SLC35F4: variants seen among roughly 807,000 people sequenced by gnomAD.
SLC35F4 encodes solute carrier family 35 member F4, also known as chromosome 14 open reading frame 36.
Under a neutral mutation model 44.2 loss-of-function variants are expected in SLC35F4, and 24 were observed. The observed-to-expected ratio is 0.54, with a 90% CI of 0.39 to 0.76. The LOEUF (loss-of-function observed/expected upper bound fraction) is 0.76, where lower values mean the gene tolerates loss of function less well. Ranked by LOEUF, SLC35F4 falls within the 30% of genes least tolerant of loss-of-function variation. The probability of loss-of-function intolerance (pLI) is 0.00; values close to 1 mark genes in which losing one functional copy is unlikely to be tolerated. For missense variants in SLC35F4, 562 were observed against 586.1 expected, an observed-to-expected ratio of 0.96 and a Z score of 0.42; for synonymous variants, 238 against 223.6, an observed-to-expected ratio of 1.06 and a Z score of -0.57.
chr14:57,689,157 C>G (rs768492249), intron 1 of SLC35F4, among the ~76,000 whole-genome samples: 3 of 152,118 alleles, frequency 2.0e-5, no homozygotes, highest in African/African-American at 7.2e-5. Flanking sequence ...CTAACTTCTC[C>G]TCACTCGAAA....
At chr14:57,632,920 C>T (rs187772441) in intron 1 of SLC35F4, among the ~76,000 whole-genome samples, 32 of 152,196 alleles carry the variant, frequency 2.1e-4, no homozygotes, top group Admixed American at 2.1e-3. Flanking sequence ...TCTATGACAA[C>T]CACTCATCTT....
At chr14:57,926,891 C>T (rs573641889) in intron 1 of SLC35F4, among the ~76,000 whole-genome samples, 5 of 152,218 alleles carry the variant, frequency 3.3e-5, no homozygotes, top group Admixed American at 2.0e-4. Flanking sequence ...GTGGAGCCTG[C>T]GATTCCAAAG....
chr14:57,942,233 A>T (rs992649841), intron 1 of SLC35F4, among the ~76,000 whole-genome samples: 47 of 152,228 alleles, frequency 3.1e-4, no homozygotes, highest in African/African-American at 1.1e-3. Context: ...CTTAAAATAC[A>T]GGGTTGTAAC....
At chr14:57,834,863 T>A (rs1292488004) in intron 1 of SLC35F4, among the ~76,000 whole-genome samples, 1 of 152,182 alleles carries the variant, frequency 6.6e-6, no homozygotes, top group Non-Finnish European at 1.5e-5. Context: ...ACCCCATCTC[T>A]ACTAAAACTA....
At chr14:57,817,945 T>A (rs1369175914) in intron 1 of SLC35F4, among the ~76,000 whole-genome samples, 1 of 152,092 alleles carries the variant, frequency 6.6e-6, no homozygotes, top group African/African-American at 2.4e-5. Context: ...AGTCACTTCA[T>A]TAAAGCAATA....
chr14:57,721,164 T>C (rs956300668), intron 1 of SLC35F4, among the ~76,000 whole-genome samples: 2 of 151,612 alleles, frequency 1.3e-5, no homozygotes, highest in East Asian at 1.9e-4. Context: ...TTTGGGGTTT[T>C]TGGCATTGCT....
At chr14:57,720,102 G>C (rs1594879181) in intron 1 of SLC35F4, among the ~76,000 whole-genome samples, 1 of 152,162 alleles carries the variant, frequency 6.6e-6, no homozygotes, top group East Asian at 1.9e-4. Flanking sequence ...TTGATATGAT[G>C]TATCACATTG....
intron 1 of SLC35F4, among the ~76,000 whole-genome samples, chr14:57,957,304 G>C (rs753452023): frequency 6.6e-6 from 1 of 152,092 alleles, no homozygotes; most frequent in Non-Finnish European, 1.5e-5. Flanking sequence ...TAGGGGCTAG[G>C]GGAGGGATAG....
At position 57,900,719 on chromosome 14, in the gene SLC35F4, A is replaced by G. The variant is rs1456654956; in HGVS notation, n.282+81194T>C. The stretch of plus-strand genomic sequence containing the variant: ...GAGTTTCTGCACAGCTAAAGAAACT[A>G]TCATCGGAGTGAACAGGAAACCTAT... On this transcript the variant is annotated intron_variant and non_coding_transcript_variant, in intron 1 of 1. Coordinates refer to the SLC35F4 transcript ENST00000556568. Among the ~76,000 whole-genome samples, 6 of 152,362 alleles carry G rather than the reference A, an allele frequency of 3.9e-5. No individual in the cohort carries two copies. The East Asian group carries it at 7.7e-4, about 20-fold the overall frequency.
rs563616346 is a variant in SLC35F4, at chr14:57,659,839, A to T, written c.104-65715T>A. Among the ~76,000 whole-genome samples the T allele has an allele frequency of 4.6e-5, 7 of 152,306 alleles. No individual in the cohort carries two copies. The South Asian group carries it at 1.5e-3, about 32-fold the overall frequency. ...AAAATAACAGTAAAATGTTTTGGCAATATAATCATTTTTAAAGATTACTTT... is the reference window on the plus strand; with the variant it reads ...AAAATAACAGTAAAATGTTTTGGCATTATAATCATTTTTAAAGATTACTTT... On this transcript the variant is annotated intron_variant, in intron 1 of 7. Transcript: ENST00000556826.
intron 1 of SLC35F4, among the ~76,000 whole-genome samples, chr14:57,980,136 T>C (rs547242643): frequency 3.3e-4 from 51 of 152,302 alleles, no homozygotes; most frequent in African/African-American, 1.1e-3. Context: ...CTTAGGGTGT[T>C]GTTATGAGGT....
chr14:57,969,944 A>T (rs1400230968), intron 1 of SLC35F4, among the ~76,000 whole-genome samples: 2 of 152,202 alleles, frequency 1.3e-5, no homozygotes, highest in Non-Finnish European at 2.9e-5. Flanking sequence ...TCTCACACTA[A>T]GTGCTTATCC....
chr14:57,822,416 G>A (rs1883267555), intron 1 of SLC35F4, among the ~76,000 whole-genome samples: 1 of 152,130 alleles, frequency 6.6e-6, no homozygotes, highest in Admixed American at 6.6e-5. Flanking sequence ...ACACTGCAGG[G>A]GTAAGGAATT....
intron 2 of SLC35F4, among the ~76,000 whole-genome samples, chr14:57,593,498 T>C (rs1374484656): frequency 2.0e-5 from 3 of 152,130 alleles, no homozygotes; most frequent in African/African-American, 7.2e-5. Flanking sequence ...AAACTGGGAA[T>C]ACTAAAAGGG....
At position 57,593,991 on chromosome 14, in the gene SLC35F4, G is replaced by T. The variant is rs2070346469; in HGVS notation, c.237C>A (p.Asn79Lys). Residue 79 changes from asparagine to lysine, a missense_variant, in exon 2 of 8, where the codon AAC becomes AAA. By Grantham distance (94) the Asn-to-Lys change is moderately conservative (BLOSUM62 0). Transcript: ENST00000556826. ...GTCCACAAACTCCTGAGGATCCTTGGTTTTGAAGTTCAAGAATAGGAGCAG... is the reference window on the plus strand; with the variant it reads ...GTCCACAAACTCCTGAGGATCCTTGTTTTTGAAGTTCAAGAATAGGAGCAG... ...DSSAPILELQ[N>K]QGSSGVCGHR... 6.2e-7 allele frequency: 1 copy of T among 1,613,760 alleles called. No homozygotes were observed. Among genetic ancestry groups the T allele is most frequent in the Admixed American group, 1.7e-5 (1 of 59,970 alleles).
chr14:57,747,832 A>G (rs1233152109), intron 1 of SLC35F4, among the ~76,000 whole-genome samples: 2 of 152,242 alleles, frequency 1.3e-5, no homozygotes, highest in East Asian at 3.8e-4. Flanking sequence ...TCACATGAAA[A>G]TGACAGCTGC....
chr14:57,971,449 T>C (rs543119850), intron 1 of SLC35F4, among the ~76,000 whole-genome samples: 2 of 152,194 alleles, frequency 1.3e-5, no homozygotes, highest in Non-Finnish European at 2.9e-5. Flanking sequence ...AAAAGGTGGA[T>C]TCTCCCCCTA....
intron 1 of SLC35F4, among the ~76,000 whole-genome samples, chr14:57,893,492 T>C (rs1045771823): frequency 6.6e-6 from 1 of 152,182 alleles, no homozygotes; most frequent in Non-Finnish European, 1.5e-5. Context: ...TCCAGTTCTG[T>C]CAGTCTCCAA....
At chr14:57,976,099 A>C (rs1324627529), downstream of SLC35F4, among the ~76,000 whole-genome samples, 1 of 152,180 alleles carries the variant, frequency 6.6e-6, no homozygotes, top group Non-Finnish European at 1.5e-5. Flanking sequence ...TCCAAATCTA[A>C]GTCAGTACAG....
Sources: gnomAD v4.1 joint callset for allele counts (sites outside exome capture counted in the v4.1 genomes callset) on GRCh38, gnomAD v4.1.1 for gene constraint, MANE v1.5 for transcripts, NCBI Gene and HGNC (gene_info 2026-07-23, HGNC 2026-07-21) for gene names.